Variants in TAGAP observed in about 807,000 individuals in gnomAD.
TAGAP encodes T-cell activation Rho GTPase-activating protein.
In TAGAP, 16 loss-of-function variants were observed where a neutral mutation model predicts 36.0. That is an observed-to-expected ratio of 0.44 (90% confidence interval 0.30 to 0.68). The LOEUF (loss-of-function observed/expected upper bound fraction) is 0.68. Among genes scored for constraint, TAGAP ranks in the 30% least tolerant of loss-of-function variants. The pLI is 0.09. For missense variants in TAGAP, 794 were observed against 921.5 expected (o/e 0.86, Z 1.79); for synonymous variants, 372 against 377.4 (o/e 0.99, Z 0.17).
chr6:159,043,537 A>C, intron 4 of TAGAP, 52 bp downstream of exon 4: 1 of 1,566,370 alleles, frequency 6.4e-7, no homozygotes, highest in Non-Finnish European at 8.8e-7. Context: ...GCAAACCAAG[A>C]GCACTGGTTG....
At position 159,036,941 on chromosome 6, in the gene TAGAP, G is replaced by T. The variant is rs1219548675; in HGVS notation, c.1082C>A (p.Thr361Asn). The T allele has an allele frequency of 6.2e-7, 1 of 1,613,658 alleles. No homozygotes were observed. The highest frequency in any genetic ancestry group is 1.1e-5 in the South Asian group (1 of 91,080). Residue 361 changes from threonine (T) to asparagine (N), a missense_variant, in exon 10 of 10, where the codon ACC becomes AAC. Coordinates refer to ENST00000367066, the MANE Select transcript of TAGAP (RefSeq NM_054114.5). The surrounding 1 kb of genome is among the most constrained non-coding windows in gnomAD (Gnocchi z 4.9). ...REVSPEPIVS[T>N]VARLKSSLAQ... ...GAGGGAGCTTTTCAGCCTGGCCACGGTGCTCACAATGGGCTCTGGGCTGAC... is the reference window on the plus strand; with the variant it reads ...GAGGGAGCTTTTCAGCCTGGCCACGTTGCTCACAATGGGCTCTGGGCTGAC...
In TAGAP at chr6:159,035,605, C is replaced by G; in HGVS notation, c.*222G>C. ...ACATCCTTTGCACCTAACACCTTAT[C>G]TATAATACATTTGATACATTTTTAC... On this transcript the variant is annotated 3_prime_UTR_variant, in exon 10 of 10. Transcript: ENST00000367066. 1 of 496,814 alleles carries G rather than the reference C, an allele frequency of 2.0e-6. No homozygotes were observed. The highest frequency in any genetic ancestry group is 3.4e-5 in the South Asian group (1 of 29,410). 30.8% of individuals were successfully genotyped at this position (496,814 alleles called of 1,614,324 possible). A position where few individuals can be genotyped will look rare whatever the true frequency, so the allele number is the denominator to read the frequency against.
rs1463960778 is a variant in TAGAP at position 159,039,082 on chromosome 6, T to C, written c.783+32A>G. The C allele has an allele frequency of 6.8e-6, 11 of 1,613,506 alleles. 1 individual carries two copies. The highest frequency in any genetic ancestry group is 4.4e-5 in the South Asian group (4 of 91,070). ...GGCAAACAGATGGTGAGATCATAAG[T>C]TGGGGATTTCTCATCAGTAAGCAGA... On this transcript the variant is annotated intron_variant, in intron 8 of 9. Transcript: ENST00000367066.
chr6:159,043,216 G>A (rs1039962813), intron 4 of TAGAP, among the ~76,000 whole-genome samples: 4 of 152,340 alleles, frequency 2.6e-5, no homozygotes, highest in African/African-American at 7.2e-5. Flanking sequence ...TGGGATTTGA[G>A]ATCAGCAACA....
In TAGAP at chr6:159,035,502, C is replaced by T. The variant is rs925095093; in HGVS notation, c.*325G>A. ...GCGAAGATAATTTTTAAACACTAAC[C>T]AAGAGAAAAGTGCCCCAGGAAGCAA... On this transcript the variant is annotated 3_prime_UTR_variant, in exon 10 of 10. Transcript: ENST00000367066. 2.0e-5 allele frequency: 4 copies of T among 203,570 alleles called. No homozygotes were observed. Among genetic ancestry groups the T allele is most frequent in the African/African-American group, 9.2e-5 (4 of 43,318 alleles). The allele number at this position is 203,570 out of a possible 1,614,324, so 12.6% of individuals were successfully genotyped here. A position where few individuals can be genotyped will look rare whatever the true frequency, so the allele number is the denominator to read the frequency against.
chr6:159,042,838 A>C (rs1197304072), intron 4 of TAGAP: 2 of 153,042 alleles, frequency 1.3e-5, no homozygotes, highest in Non-Finnish European at 2.9e-5. Context: ...CTGCTTTAGG[A>C]CAGAGGCAAA....
In TAGAP at chr6:159,036,279, A is replaced by G. The variant is rs747203170; in HGVS notation, c.1744T>C (p.Phe582Leu). ...GGCCTCTCCCAGTCAGCTCCCTGGAACACATCATCCACCGAGAGGGCGTGG... is the reference window on the plus strand; with the variant it reads ...GGCCTCTCCCAGTCAGCTCCCTGGAGCACATCATCCACCGAGAGGGCGTGG... ...RPHALSVDDV[F>L]QGADWERPGS... The change falls in exon 10 of 10, where the codon TTC becomes CTC. Residue 582 changes from phenylalanine to leucine, a missense_variant. Coordinates refer to ENST00000367066, the MANE Select transcript of TAGAP (RefSeq NM_054114.5). The surrounding 1 kb of genome is among the most constrained non-coding windows in gnomAD (Gnocchi z 4.9). 1 of 1,612,898 alleles carries G rather than the reference A, an allele frequency of 6.2e-7. No homozygotes were observed.
At position 159,041,188 on chromosome 6, in the gene TAGAP, A is replaced by G; in HGVS notation, c.477+166T>C. 1.2e-6 allele frequency: 1 copy of G among 859,088 alleles called. No individual in the cohort carries two copies. The highest frequency in any genetic ancestry group is 1.8e-6 in the Non-Finnish European group (1 of 567,928). 53.2% of individuals were successfully genotyped at this position (859,088 alleles called of 1,614,324 possible). On this transcript the variant is annotated intron_variant, in intron 6 of 9. Coordinates refer to ENST00000367066, the MANE Select transcript of TAGAP (RefSeq NM_054114.5). This position sits in a 1 kb window ranked among gnomAD's most constrained non-coding sequence, Gnocchi z 4.1. The stretch of plus-strand genomic sequence containing the variant: ...TCTGTTGGAATCTGAGGTCACAGAA[A>G]CAGAGGTGCTTACTAAATAAATAAA...
chr6:159,043,466 G>A lies in TAGAP; in HGVS notation c.148+123C>T, dbSNP rs1278266589. 11 of 831,902 alleles carry A rather than the reference G, an allele frequency of 1.3e-5. No individual in the cohort carries two copies. In the East Asian group the frequency reaches 2.2e-4, roughly 17 times the overall value. 51.5% of individuals were successfully genotyped at this position (831,902 alleles called of 1,614,324 possible). A position where few individuals can be genotyped will look rare whatever the true frequency, so the allele number is the denominator to read the frequency against. On this transcript the variant is annotated intron_variant, in intron 4 of 9. Transcript: ENST00000367066. ...TGCCATTTAAGGGTTAATGTTCTGC[G>A]GTCTTTAACAGAACAACTTATACAA...
Position 159,036,950 on chromosome 6 carries a change from A to G in TAGAP, c.1073T>C (p.Ile358Thr), listed in dbSNP as rs970379221. The change falls in exon 10 of 10, where the codon ATT (isoleucine) becomes ACT (threonine). Residue 358 changes from isoleucine to threonine, a missense_variant. By Grantham distance (89) the Ile-to-Thr change is moderately conservative (BLOSUM62 -1). Coordinates refer to ENST00000367066, the MANE Select transcript of TAGAP (RefSeq NM_054114.5). The surrounding 1 kb of genome is among the most constrained non-coding windows in gnomAD (Gnocchi z 4.9). The part of the protein sequence containing the change: ...QDAREVSPEP[I>T]VSTVARLKSS... ...TTTCAGCCTGGCCACGGTGCTCACA[A>G]TGGGCTCTGGGCTGACCTCTCGGGC... 2 of 1,613,526 alleles carry G rather than the reference A, an allele frequency of 1.2e-6. No individual in the cohort carries two copies. Among genetic ancestry groups the G allele is most frequent in the African/African-American group, 1.3e-5 (1 of 74,880 alleles).
chr6:159,035,893 C>T lies in TAGAP; in HGVS notation c.2130G>A (p.Val710=), dbSNP rs764287043. The T allele has an allele frequency of 6.2e-7, 1 of 1,612,746 alleles. No homozygotes were observed. The highest frequency in any genetic ancestry group is 8.5e-7 in the Non-Finnish European group (1 of 1,178,794). The part of the protein sequence containing the change: ...SVQRNKRDCL[V]RRCSQPVFEA... ...CAAAGACCGGCTGGCTACATCGTCG[C>T]ACGAGACAGTCCCGCTTATTCCTCT... Residue 710 remains valine (V), a synonymous_variant, in exon 10 of 10, where the codon GTG becomes GTA. Transcript: ENST00000367066.
intron 4 of TAGAP, 138 bp from the exon 5 acceptor site, chr6:159,042,382 T>C (rs1240151184): frequency 6.9e-7 from 1 of 1,452,008 alleles, no homozygotes; most frequent in African/African-American, 1.4e-5. Flanking sequence ...TTTTGAAAAC[T>C]TGAGAAAGCA....
chr6:159,041,200 A>G lies in TAGAP; in HGVS notation c.477+154T>C, dbSNP rs760878907. On this transcript the variant is annotated intron_variant, in intron 6 of 9. Coordinates refer to ENST00000367066, the MANE Select transcript of TAGAP (RefSeq NM_054114.5). This position sits in a 1 kb window ranked among gnomAD's most constrained non-coding sequence, Gnocchi z 4.1. ...TGAGGTCACAGAAACAGAGGTGCTT[A>G]CTAAATAAATAAATAAAGGGCTTAA... 5.9e-5 allele frequency: 54 copies of G among 912,872 alleles called. No individual in the cohort carries two copies. The highest frequency in any genetic ancestry group is 8.6e-5 in the Non-Finnish European group (53 of 613,142). 56.5% of individuals were successfully genotyped at this position (912,872 alleles called of 1,614,324 possible).
At position 159,039,246 on chromosome 6, in the gene TAGAP, G is replaced by T; in HGVS notation, c.651C>A (p.His217Gln). 6.2e-7 allele frequency: 1 copy of T among 1,614,124 alleles called. No individual in the cohort carries two copies. The highest frequency in any genetic ancestry group is 8.5e-7 in the Non-Finnish European group (1 of 1,180,014). Residue 217 changes from histidine to glutamine, a missense_variant, in exon 8 of 10, where the codon CAC (histidine) becomes CAA (glutamine). Transcript: ENST00000367066. Reference sequence around the variant, plus strand: ...TCACCTCAGAGTTCTTGCTGATGAGGTGCAGCACATAGACCAAGTGCTTGA... The same window carrying T: ...TCACCTCAGAGTTCTTGCTGATGAGTTGCAGCACATAGACCAAGTGCTTGA... ...LLLKHLVYVL[H>Q]LISKNSEVNR... is the part of the protein sequence containing the mutation.
chr6:159,039,414 G>A lies in TAGAP; in HGVS notation c.588-105C>T, dbSNP rs536078935. The A allele has an allele frequency of 7.9e-5, 96 of 1,214,942 alleles. 1 individual carries two copies. In the South Asian group the frequency reaches 1.2e-3, roughly 15 times the overall value. The allele number at this position is 1,214,942 out of a possible 1,614,324, so 75.3% of individuals were successfully genotyped here. On this transcript the variant is annotated intron_variant, in intron 7 of 9. Transcript: ENST00000367066. Reference sequence around the variant, plus strand: ...CCAGACTTCCTTTAAAATGAGGAAGGTGCATTTTCACAAGTAATATTGTGA... The same window carrying A: ...CCAGACTTCCTTTAAAATGAGGAAGATGCATTTTCACAAGTAATATTGTGA...
Position 159,036,183 on chromosome 6 carries a change from T to C in TAGAP, c.1840A>G (p.Thr614Ala). ...CTCCCCACCGTCATGCTCCCCACGG[T>C]CTGGCTCTCGGAGGCCACTAGTCTG... Reference protein sequence around the residue: ...AARLVASESQTVGSMTVGSMR... With the variant: ...AARLVASESQAVGSMTVGSMR... Residue 614 changes from threonine (T) to alanine (A), a missense_variant, in exon 10 of 10, where the codon ACC becomes GCC. Physicochemically the swap from Thr to Ala is moderately conservative, Grantham distance 58. Coordinates refer to ENST00000367066, the MANE Select transcript of TAGAP (RefSeq NM_054114.5). This position sits in a 1 kb window ranked among gnomAD's most constrained non-coding sequence, Gnocchi z 4.9. The C allele has an allele frequency of 1.2e-6, 2 of 1,611,602 alleles. No individual in the cohort carries two copies. The highest frequency in any genetic ancestry group is 1.7e-6 in the Non-Finnish European group (2 of 1,178,948).
intron 8 of TAGAP, 129 bp downstream of exon 8, chr6:159,038,985 T>C (rs1320609941): frequency 6.5e-7 from 1 of 1,542,846 alleles, no homozygotes; most frequent in African/African-American, 1.4e-5. Context: ...ACAAAAGCAT[T>C]TTGCATTTTA....
In TAGAP at chr6:159,036,419, G is replaced by GT. The variant is rs779171290; in HGVS notation, c.1603dup (p.Thr535AsnfsTer26). The GT allele has an allele frequency of 3.7e-6, 6 of 1,614,062 alleles. No individual in the cohort carries two copies. The highest frequency in any genetic ancestry group is 4.2e-6 in the Non-Finnish European group (5 of 1,180,036). ...GACACCCCTCGGGACGTGGTCCCTG[G>GT]TAAAGTCTTGCGATTTCCCAGAGCC... On this transcript the variant is annotated frameshift_variant, in exon 10 of 10. Transcript: ENST00000367066. LOFTEE classifies it low-confidence loss of function (END_TRUNC). This position sits in a 1 kb window ranked among gnomAD's most constrained non-coding sequence, Gnocchi z 4.9.
Position 159,036,745 on chromosome 6 carries a change from G to A in TAGAP, c.1278C>T (p.Val426=). Reference sequence around the variant, plus strand: ...TGGTTTTGCCTTGCACTGCAGGGAAGACCTCCTCTGGAAATGGGTCTTCAG... The same window carrying A: ...TGGTTTTGCCTTGCACTGCAGGGAAAACCTCCTCTGGAAATGGGTCTTCAG... ...EEAEDPFPEE[V]FPAVQGKTKR... is the part of the protein sequence containing the mutation. The change falls in exon 10 of 10, where the codon GTC becomes GTT. Residue 426 remains valine, a synonymous_variant. Transcript: ENST00000367066. This position sits in a 1 kb window ranked among gnomAD's most constrained non-coding sequence, Gnocchi z 4.9. The A allele has an allele frequency of 6.2e-7, 1 of 1,614,198 alleles. No individual in the cohort carries two copies. Among genetic ancestry groups the A allele is most frequent in the Non-Finnish European group, 8.5e-7 (1 of 1,180,022 alleles).
Sources: gnomAD v4.1 joint callset for allele counts (sites outside exome capture counted in the v4.1 genomes callset) on GRCh38, gnomAD v4.1.1 for gene constraint, Gnocchi (gnomAD v3.1) non-coding constraint, MANE v1.5 for transcripts, NCBI Gene and HGNC (gene_info 2026-07-23, HGNC 2026-07-21) for gene names.